Variants in LUZP2 observed in about 807,000 individuals in gnomAD.
LUZP2 encodes leucine zipper protein 2.
A neutral mutation model predicts 51.6 loss-of-function variants in LUZP2; 52 were observed. That is an observed-to-expected ratio of 1.01 (90% CI 0.81 to 1.27). The LOEUF (loss-of-function observed/expected upper bound fraction) is 1.27, where lower values mean the gene tolerates loss of function less well. LUZP2 is among the 50% of genes most tolerant of loss of function. The pLI, the probability that LUZP2 is intolerant of heterozygous loss-of-function variation, is 0.00. For missense variants in LUZP2, 436 were observed against 395.4 expected (o/e 1.10, Z -0.87); for synonymous variants, 154 against 137.3 (o/e 1.12, Z -0.85).
chr11:24,590,419 A>G (rs1853219073), intron 1 of LUZP2, among the ~76,000 whole-genome samples: 1 of 152,184 alleles, frequency 6.6e-6, no homozygotes, highest in Admixed American at 6.6e-5. Flanking sequence ...CTCTGCAGTG[A>G]GAACATTCAA....
chr11:24,823,503 G>A (rs1850423969), intron 5 of LUZP2, among the ~76,000 whole-genome samples: 1 of 151,896 alleles, frequency 6.6e-6, no homozygotes, highest in African/African-American at 2.4e-5. Flanking sequence ...AAGCAGGCCT[G>A]TATTATAATC....
intron 9 of LUZP2, among the ~76,000 whole-genome samples, chr11:25,025,446 CAAG>C (rs1857462801): frequency 6.6e-6 from 1 of 152,048 alleles, no homozygotes; most frequent in Admixed American, 6.6e-5. Context: ...AACAAATTTA[CAAG>C]AAAAAATCAA....
intron 4 of LUZP2, 28 bp from the exon 5 acceptor site, chr11:24,763,218 G>A: frequency 5.7e-6 from 6 of 1,048,320 alleles, no homozygotes; most frequent in Non-Finnish European, 8.1e-6. Flanking sequence ...TTTGGAATGT[G>A]TCTACATAAT....
At chr11:24,684,396 C>T (rs748535614) in intron 1 of LUZP2, among the ~76,000 whole-genome samples, 1 of 152,210 alleles carries the variant, frequency 6.6e-6, no homozygotes, top group Non-Finnish European at 1.5e-5. Context: ...TCCCTGGTTT[C>T]TCCCAAGCTC....
intron 7 of LUZP2, among the ~76,000 whole-genome samples, chr11:24,944,708 T>C (rs1412439045): frequency 1.3e-5 from 2 of 152,138 alleles, no homozygotes; most frequent in Non-Finnish European, 2.9e-5. Context: ...TGGAGTAGCA[T>C]GGTCAAACAA....
chr11:25,071,302 G>A (rs766563920), intron 10 of LUZP2, among the ~76,000 whole-genome samples: 4 of 151,816 alleles, frequency 2.6e-5, no homozygotes, highest in Non-Finnish European at 2.9e-5. Context: ...GCTAAATGAC[G>A]AGTTAACGGG....
In LUZP2 at chr11:24,500,197, A is replaced by G. The variant is rs146325709; in HGVS notation, c.62+2892A>G. Among the ~76,000 whole-genome samples, 1,193 of 152,276 alleles carry G rather than the reference A, an allele frequency of 7.8e-3. 7 individuals carry two copies. The highest frequency in any genetic ancestry group is 0.022 in the African/African-American group (910 of 41,560). On this transcript the variant is annotated intron_variant, in intron 1 of 11. Coordinates refer to ENST00000336930, the MANE Select transcript of LUZP2 (RefSeq NM_001009909.4). ...TAAATGTTCAATTTACACAAAAGCCAAGCATTTTTCTCTGTTTTACTGGTA... is the reference window on the plus strand; with the variant it reads ...TAAATGTTCAATTTACACAAAAGCCGAGCATTTTTCTCTGTTTTACTGGTA...
intron 1 of LUZP2, among the ~76,000 whole-genome samples, chr11:24,727,576 G>A (rs1272339887): frequency 6.6e-6 from 1 of 152,002 alleles, no homozygotes; most frequent in African/African-American, 2.4e-5. Flanking sequence ...TTGGAGATGT[G>A]TTTATTGTTC....
chr11:24,604,916 T>TA (rs1055047889), intron 1 of LUZP2, among the ~76,000 whole-genome samples: 3 of 151,862 alleles, frequency 2.0e-5, no homozygotes, highest in Admixed American at 6.6e-5. Context: ...TATGAGATTT[T>TA]AAAAAACTCA....
At chr11:24,539,679 G>T (rs1336159903) in intron 1 of LUZP2, among the ~76,000 whole-genome samples, 1 of 151,906 alleles carries the variant, frequency 6.6e-6, no homozygotes, top group Admixed American at 6.6e-5. Context: ...AGTGACAGAA[G>T]TACATATATA....
intron 10 of LUZP2, among the ~76,000 whole-genome samples, chr11:25,062,264 T>C (rs1370415423): frequency 6.7e-6 from 1 of 150,192 alleles, no homozygotes; most frequent in Non-Finnish European, 1.5e-5. Flanking sequence ...GCCAAACAGA[T>C]AGGTAGGCTT....
intron 6 of LUZP2, among the ~76,000 whole-genome samples, chr11:24,910,221 TG>T (rs1393654876): frequency 1.3e-5 from 2 of 152,086 alleles, no homozygotes; most frequent in African/African-American, 4.8e-5. Flanking sequence ...CATGAAAGTT[TG>T]GAAAATTTGC....
chr11:24,610,517 A>G (rs769932155), intron 1 of LUZP2, among the ~76,000 whole-genome samples: 8 of 152,216 alleles, frequency 5.3e-5, no homozygotes, highest in East Asian at 3.9e-4. Context: ...CCATCCAACC[A>G]TGCATTTTGG....
At chr11:25,059,705 C>A (rs1858780637) in intron 10 of LUZP2, among the ~76,000 whole-genome samples, 1 of 152,120 alleles carries the variant, frequency 6.6e-6, no homozygotes, top group African/African-American at 2.4e-5. Flanking sequence ...AGACTATTTT[C>A]TTTCCCTGTT....
intron 1 of LUZP2, among the ~76,000 whole-genome samples, chr11:24,728,494 T>G (rs1221298178): frequency 6.6e-6 from 1 of 151,954 alleles, no homozygotes; most frequent in African/African-American, 2.4e-5. Flanking sequence ...TGTTTTCCTG[T>G]TTTTTTCCCT....
chr11:24,762,801 T>C (rs1315472192), intron 4 of LUZP2: 1 of 156,186 alleles, frequency 6.4e-6, no homozygotes, highest in Non-Finnish European at 1.4e-5. Flanking sequence ...CTATTCTTAA[T>C]GTCCCGTAGT....
At chr11:25,028,306 C>T (rs1288582432) in intron 9 of LUZP2, among the ~76,000 whole-genome samples, 2 of 152,248 alleles carry the variant, frequency 1.3e-5, no homozygotes, top group South Asian at 4.1e-4. Context: ...AGCTCTTATT[C>T]GTTATATTTA....
chr11:24,788,766 C>A (rs997388907), intron 5 of LUZP2, among the ~76,000 whole-genome samples: 1 of 152,098 alleles, frequency 6.6e-6, no homozygotes, highest in Non-Finnish European at 1.5e-5. Context: ...GCTAATACTG[C>A]AGTTCAGCTC....
intron 7 of LUZP2, among the ~76,000 whole-genome samples, chr11:24,915,768 G>A (rs764123008): frequency 6.6e-6 from 1 of 151,898 alleles, no homozygotes; most frequent in Non-Finnish European, 1.5e-5. Flanking sequence ...TTAGGTTAGT[G>A]CAAGAGTAAC....
Sources: gnomAD v4.1 joint callset for allele counts (sites outside exome capture counted in the v4.1 genomes callset) on GRCh38, gnomAD v4.1.1 for gene constraint, MANE v1.5 for transcripts, NCBI Gene and HGNC (gene_info 2026-07-23, HGNC 2026-07-21) for gene names.